FAM107B: variants seen among roughly 807,000 people sequenced by gnomAD.
The protein encoded by FAM107B is family with sequence similarity 107 member B.
FAM107B carries 21 observed loss-of-function variants against 31.5 expected under a neutral mutation model. That is an observed-to-expected ratio of 0.67 (90% confidence interval 0.47 to 0.96). FAM107B has a LOEUF of 0.96. Ranked by LOEUF, FAM107B falls within the 40% of genes least tolerant of loss-of-function variation. The pLI, the probability that FAM107B is intolerant of heterozygous loss-of-function variation, is 0.00. For missense variants in FAM107B, 452 were observed against 377.1 expected (o/e 1.20, Z -1.64); for synonymous variants, 157 against 141.5 (o/e 1.11, Z -0.78).
intron 1 of FAM107B, among the ~76,000 whole-genome samples, chr10:14,718,988 G>T (rs911471387): frequency 1.3e-5 from 2 of 152,170 alleles, no homozygotes; most frequent in Non-Finnish European, 2.9e-5. Context: ...GAGATGATAG[G>T]ACAGTCCTGA....
chr10:14,576,511 T>C (rs1255783284), intron 2 of FAM107B, among the ~76,000 whole-genome samples: 1 of 145,020 alleles, frequency 6.9e-6, no homozygotes, highest in Non-Finnish European at 1.5e-5. Flanking sequence ...TAGGCAACAG[T>C]GCAAGACTAC....
intron 2 of FAM107B, among the ~76,000 whole-genome samples, chr10:14,644,117 A>C (rs965867185): frequency 6.6e-6 from 1 of 152,228 alleles, no homozygotes; most frequent in African/African-American, 2.4e-5. Context: ...CACTCTGTAC[A>C]TAATCCTGTT....
chr10:14,613,552 C>T (rs1055566601), intron 2 of FAM107B, among the ~76,000 whole-genome samples: 3 of 152,186 alleles, frequency 2.0e-5, no homozygotes, highest in Admixed American at 2.0e-4. Context: ...TCCTCACTTA[C>T]GCCCTACATC....
At chr10:14,705,674 G>C (rs980116799) in intron 1 of FAM107B, among the ~76,000 whole-genome samples, 2 of 152,062 alleles carry the variant, frequency 1.3e-5, no homozygotes, top group African/African-American at 4.8e-5. Context: ...CAAATGCATA[G>C]AGAGAACAAG....
chr10:14,627,405 A>C (rs547644492), intron 2 of FAM107B, among the ~76,000 whole-genome samples: 17 of 152,366 alleles, frequency 1.1e-4, no homozygotes, highest in Admixed American at 3.3e-4. Flanking sequence ...GGTGTCATGC[A>C]AATACCTGTT....
chr10:14,652,624 C>A (rs1482930641), intron 2 of FAM107B: 1 of 152,164 alleles, frequency 6.6e-6, no homozygotes, highest in African/African-American at 2.4e-5. Context: ...TAGCATGGCA[C>A]GTTATGCATT....
intron 2 of FAM107B, among the ~76,000 whole-genome samples, chr10:14,624,031 A>G (rs139803322): frequency 6.6e-6 from 1 of 152,296 alleles, no homozygotes; most frequent in East Asian, 1.9e-4. Flanking sequence ...GGAGCATCAC[A>G]ATATATCAGT....
At chr10:14,676,958 C>T (rs1564622514) in intron 1 of FAM107B, among the ~76,000 whole-genome samples, 1 of 152,194 alleles carries the variant, frequency 6.6e-6, no homozygotes, top group Non-Finnish European at 1.5e-5. Context: ...AGCAGAGAGT[C>T]CTGGTCCCCT....
chr10:14,568,074 T>C (rs1014624890), intron 2 of FAM107B, among the ~76,000 whole-genome samples: 2 of 152,120 alleles, frequency 1.3e-5, no homozygotes, highest in Admixed American at 6.5e-5. Flanking sequence ...GCCAAAACTT[T>C]CAAGGAACGA....
chr10:14,596,566 C>T (rs1852195258), intron 2 of FAM107B, among the ~76,000 whole-genome samples: 1 of 152,236 alleles, frequency 6.6e-6, no homozygotes, highest in South Asian at 2.1e-4. Context: ...AATAATATTA[C>T]CAGTATTATT....
rs1478711520 is a variant in FAM107B at position 14,521,568 on chromosome 10, C to T, written c.805-262G>A. Among the ~76,000 whole-genome samples, 5 of 152,242 alleles carry T rather than the reference C, an allele frequency of 3.3e-5. No individual in the cohort carries two copies. In the East Asian group the frequency reaches 5.8e-4, roughly 18 times the overall value. Reference sequence around the variant, plus strand: ...CTAAGGAAACAAATCCTGGAGTCAACGCGCAGTTGCTCTGGAGTCTTCATG... The same window carrying T: ...CTAAGGAAACAAATCCTGGAGTCAATGCGCAGTTGCTCTGGAGTCTTCATG... On this transcript the variant is annotated intron_variant, in intron 4 of 4. Coordinates refer to ENST00000181796, the MANE Select transcript of FAM107B (RefSeq NM_031453.4).
intron 2 of FAM107B, among the ~76,000 whole-genome samples, chr10:14,559,131 C>T (rs1488089711): frequency 6.8e-6 from 1 of 147,964 alleles, no homozygotes; most frequent in Non-Finnish European, 1.5e-5. Context: ...AAAAAAAACA[C>T]CTGGTGTCTA....
chr10:14,662,868 G>T (rs1353136417), intron 2 of FAM107B, among the ~76,000 whole-genome samples: 2 of 152,170 alleles, frequency 1.3e-5, no homozygotes, highest in Non-Finnish European at 2.9e-5. Context: ...GGGTGTGTTG[G>T]TGAGGGGGTT....
At chr10:14,570,067 C>G (rs371119121) in intron 2 of FAM107B, among the ~76,000 whole-genome samples, 4 of 152,094 alleles carry the variant, frequency 2.6e-5, no homozygotes, top group African/African-American at 9.7e-5. Flanking sequence ...AATATTAAGC[C>G]AATATTACTT....
intron 2 of FAM107B, among the ~76,000 whole-genome samples, chr10:14,594,085 C>A (rs1312099830): frequency 6.6e-6 from 1 of 152,244 alleles, no homozygotes. Flanking sequence ...TGCCTGATGA[C>A]ATAATTATGT....
At chr10:14,732,953 G>A (rs1342673087) in intron 1 of FAM107B, among the ~76,000 whole-genome samples, 1 of 143,408 alleles carries the variant, frequency 7.0e-6, no homozygotes, top group African/African-American at 2.5e-5. Flanking sequence ...GATACGTTAT[G>A]GAATACCTTA....
At position 14,716,349 on chromosome 10, in the gene FAM107B, C is replaced by G. The variant is rs1536564; in HGVS notation, c.412-48658G>C. Among the ~76,000 whole-genome samples, 28 of 152,136 alleles carry G rather than the reference C, an allele frequency of 1.8e-4. No homozygotes were observed. In the East Asian group the frequency reaches 5.2e-3, roughly 28 times the overall value. ...TGCGGGATCCATTTCTAAGATGACT[C>G]CCTCACAGGGCAGCTGCTCACCGGC... On this transcript the variant is annotated intron_variant, in intron 1 of 4. Transcript: ENST00000181796.
intron 1 of FAM107B, among the ~76,000 whole-genome samples, chr10:14,734,488 G>GTGTTTTTTTTTTTTGTT (rs558940939): frequency 1.2e-4 from 16 of 138,546 alleles, no homozygotes; most frequent in African/African-American, 4.1e-4. Context: ...TTTTTGTGAG[G>GTGTTTTTTTTTTTTGTT]TTTTTTTTTT....
At chr10:14,731,144 C>A (rs540123365) in intron 1 of FAM107B, among the ~76,000 whole-genome samples, 2 of 152,144 alleles carry the variant, frequency 1.3e-5, no homozygotes, top group Non-Finnish European at 2.9e-5. Flanking sequence ...ATCCAACAAT[C>A]CATTGGTCCA....
Sources: allele counts gnomAD v4.1 joint callset (sites outside exome capture counted in the v4.1 genomes callset), GRCh38; gene constraint gnomAD v4.1.1; transcripts MANE v1.5; gene names NCBI Gene and HGNC (gene_info 2026-07-23, HGNC 2026-07-21).